Variants in PACRGL observed in about 807,000 individuals in gnomAD.
PACRGL encodes the protein PACRG-like protein.
PACRGL carries 38 observed loss-of-function variants against 34.5 expected under a neutral mutation model. That is an observed-to-expected ratio of 1.10 (90% CI 0.85 to 1.44). The LOEUF is 1.44. Ranked by LOEUF, PACRGL falls within the 40% of genes most tolerant of loss-of-function variation. The pLI is 0.00. For synonymous variants in PACRGL, 128 were observed against 100.1 expected (o/e 1.28, Z -1.66); for missense variants, 305 against 281.4 (o/e 1.08, Z -0.60).
intron 1 of PACRGL, among the ~76,000 whole-genome samples, chr4:20,704,066 T>C (rs1044964971): frequency 1.3e-5 from 2 of 152,150 alleles, no homozygotes; most frequent in South Asian, 4.1e-4. Context: ...GATGTGCACA[T>C]GTTAACATTT....
chr4:20,765,550 C>G, the PACRGL span, among the ~76,000 whole-genome samples: 1 of 152,178 alleles, frequency 6.6e-6, no homozygotes, highest in Admixed American at 6.5e-5. Flanking sequence ...TTCCTGTGTG[C>G]CACATACTCT....
intron 3 of PACRGL, 64 bp from the exon 4 acceptor site, chr4:20,707,739 A>G: frequency 7.1e-7 from 1 of 1,417,902 alleles, no homozygotes; most frequent in Non-Finnish European, 1.0e-6. Context: ...TGAAAAGCAA[A>G]ATGGCTGTGT....
At chr4:20,715,931 A>T (rs190532584) in intron 7 of PACRGL, among the ~76,000 whole-genome samples, 94 of 152,282 alleles carry the variant, frequency 6.2e-4, no homozygotes, top group Admixed American at 2.1e-3. Context: ...GCTCATGTTG[A>T]TTAACTATGA....
downstream of PACRGL, among the ~76,000 whole-genome samples, chr4:20,755,520 G>A (rs1309976054): frequency 6.6e-6 from 1 of 152,124 alleles, no homozygotes; most frequent in African/African-American, 2.4e-5. Flanking sequence ...CATGACCTGT[G>A]GATACAACAG....
At position 20,727,551 on chromosome 4, in the gene PACRGL, A is replaced by G. The variant is rs1411547953; in HGVS notation, c.*210A>G. ...TTAAAATAAGTTCTATAAGAGTACA[A>G]TTTTGAGGTTTATTTTTTGTATTTT... On this transcript the variant is annotated 3_prime_UTR_variant, in exon 9 of 9. Transcript: ENST00000503585. 6.9e-6 allele frequency: 3 copies of G among 434,494 alleles called. No individual in the cohort carries two copies. The highest frequency in any genetic ancestry group is 1.2e-5 in the Non-Finnish European group (3 of 243,088). The allele number at this position is 434,494 out of a possible 1,614,324, so 26.9% of individuals were successfully genotyped here. A position where few individuals can be genotyped will look rare whatever the true frequency, so the allele number is the denominator to read the frequency against.
Position 20,731,305 on chromosome 4 carries a change from C to CTTAAGTTA in PACRGL, c.*3966_*3973dup. 1 of 784,698 alleles carries CTTAAGTTA rather than the reference C, an allele frequency of 1.3e-6. No individual in the cohort carries two copies. Among genetic ancestry groups the CTTAAGTTA allele is most frequent in the Non-Finnish European group, 1.5e-6 (1 of 646,822 alleles). The allele number at this position is 784,698 out of a possible 1,614,324, so 48.6% of individuals were successfully genotyped here. A position where few individuals can be genotyped will look rare whatever the true frequency, so the allele number is the denominator to read the frequency against. ...CCCACATTGGACTCAAAATCCTGGC[C>CTTAAGTTA]TTAAGTTATCTTCCCGCCTCAGCCT... On this transcript the variant is annotated 3_prime_UTR_variant, in exon 9 of 9. Transcript: ENST00000503585.
chr4:20,710,024 GTACT>G (rs1418341297), intron 5 of PACRGL, among the ~76,000 whole-genome samples: 56 of 152,224 alleles, frequency 3.7e-4, no homozygotes, highest in Non-Finnish European at 5.4e-4. Context: ...TGAAATATTT[GTACT>G]TACTTCAAAA....
chr4:20,734,420 T>C (rs1212145728), downstream of PACRGL, among the ~76,000 whole-genome samples: 1 of 152,218 alleles, frequency 6.6e-6, no homozygotes, highest in Non-Finnish European at 1.5e-5. Context: ...AACAAGGGTG[T>C]AATCTTTATG....
chr4:20,766,676 A>G, the PACRGL span: 5 of 152,392 alleles, frequency 3.3e-5, no homozygotes, highest in Admixed American at 6.5e-5. Context: ...GGAACTGACC[A>G]TAGATACACA....
At chr4:20,699,289 T>C (rs1731460259), upstream of PACRGL, among the ~76,000 whole-genome samples, 1 of 152,056 alleles carries the variant, frequency 6.6e-6, no homozygotes. Flanking sequence ...GCGCTAGGCA[T>C]TGGGGATAGA....
intron 7 of PACRGL, among the ~76,000 whole-genome samples, chr4:20,715,654 C>T (rs1289427671): frequency 6.6e-6 from 1 of 151,916 alleles, no homozygotes; most frequent in Non-Finnish European, 1.5e-5. Flanking sequence ...ATTGCCTGAG[C>T]TCAGGAGTTT....
chr4:20,722,725 A>T (rs1028781284), intron 7 of PACRGL, among the ~76,000 whole-genome samples: 1 of 152,162 alleles, frequency 6.6e-6, no homozygotes, highest in Admixed American at 6.5e-5. Context: ...CGAAACTCCC[A>T]TGTTGACAAG....
At chr4:20,739,533 A>G (rs1750546260) in intron 8 of PACRGL, among the ~76,000 whole-genome samples, 1 of 152,204 alleles carries the variant, frequency 6.6e-6, no homozygotes, top group African/African-American at 2.4e-5. Context: ...TGACAAACAG[A>G]AGGGAATAGC....
intron 7 of PACRGL, among the ~76,000 whole-genome samples, chr4:20,719,432 T>C (rs1372362517): frequency 6.6e-6 from 1 of 152,214 alleles, no homozygotes; most frequent in African/African-American, 2.4e-5. Flanking sequence ...GGGTATCAGT[T>C]TTAGATCTTT....
At chr4:20,711,090 C>G (rs563819866) in intron 5 of PACRGL, among the ~76,000 whole-genome samples, 5 of 151,766 alleles carry the variant, frequency 3.3e-5, no homozygotes, top group Admixed American at 6.6e-5. Context: ...CTCAAACACA[C>G]ACACACACAA....
At chr4:20,706,860 C>G (rs1734713711) in intron 3 of PACRGL, among the ~76,000 whole-genome samples, 2 of 152,132 alleles carry the variant, frequency 1.3e-5, no homozygotes, top group Admixed American at 1.3e-4. Flanking sequence ...AGGCTTGAGC[C>G]ACTGCGCCTG....
chr4:20,704,363 C>A, intron 1 of PACRGL, 103 bp from the exon 2 acceptor site: 1 of 1,063,958 alleles, frequency 9.4e-7, no homozygotes, highest in Non-Finnish European at 1.4e-6. Flanking sequence ...TTTTGTGTGT[C>A]TTTTACTGTA....
intron 7 of PACRGL, 28 bp downstream of exon 7, chr4:20,713,567 TTGAC>T (rs1249256888): frequency 6.6e-7 from 1 of 1,526,252 alleles, no homozygotes; most frequent in African/African-American, 1.4e-5. Context: ...TAGATAATGA[TTGAC>T]TGTATGTATC....
rs1409435209 is a variant in PACRGL at position 20,704,518 on chromosome 4, A to G, written c.37A>G (p.Lys13Glu). The G allele has an allele frequency of 3.1e-6, 5 of 1,613,942 alleles. No individual in the cohort carries two copies. The highest frequency in any genetic ancestry group is 4.2e-6 in the Non-Finnish European group (5 of 1,179,976). The part of the protein sequence containing the change: ...KSEGSGGTQL[K>E]NRATGNYDQR... Reference sequence around the variant, plus strand: ...AGAGGGCTCTGGAGGTACACAGTTGAAAAACAGAGCAACAGGTACAGAGCT... The same window carrying G: ...AGAGGGCTCTGGAGGTACACAGTTGGAAAACAGAGCAACAGGTACAGAGCT... The change falls in exon 2 of 9, where the codon AAA becomes GAA. Residue 13 changes from lysine (K) to glutamate (E), a missense_variant. Coordinates refer to ENST00000503585, the MANE Select transcript of PACRGL (RefSeq NM_001258345.3).
Sources: gnomAD v4.1 joint callset for allele counts (sites outside exome capture counted in the v4.1 genomes callset) on GRCh38, gnomAD v4.1.1 for gene constraint, MANE v1.5 for transcripts, NCBI Gene and HGNC (gene_info 2026-07-23, HGNC 2026-07-21) for gene names.